The following TCP11 variants were observed in gnomAD, a reference collection of about 807,000 sequenced individuals.
TCP11 encodes the protein t-complex 11.
A neutral mutation model predicts 45.0 loss-of-function variants in TCP11; 34 were observed. That is an observed-to-expected ratio of 0.76 (90% CI 0.57 to 1.01). TCP11 has a LOEUF of 1.01. Among genes scored for constraint, TCP11 ranks in the 50% least tolerant of loss-of-function variants. TCP11 has a pLI of 0.00. For missense variants in TCP11, 523 were observed against 598.1 expected (o/e 0.87, Z 1.31); for synonymous variants, 227 against 227.0 (o/e 1.00, Z 0.00).
At chr6:35,118,533 A>C (rs771775632) in intron 9 of TCP11, 32 bp from the exon 10 acceptor site, 41 of 1,593,928 alleles carry the variant, frequency 2.6e-5, no homozygotes, top group Non-Finnish European at 6.9e-6. Context: ...GATAAGGGAA[A>C]AGGCAAACAG....
chr6:35,140,977 C>G, intron 1 of TCP11, 93 bp from the exon 2 acceptor site: 1 of 1,390,768 alleles, frequency 7.2e-7, no homozygotes, highest in South Asian at 1.7e-5. Context: ...AGGGGGGTAG[C>G]GGCCTCAGGG....
chr6:35,121,208 G>A (rs962831896), intron 5 of TCP11, among the ~76,000 whole-genome samples, 163 bp from the exon 6 acceptor site: 2 of 152,134 alleles, frequency 1.3e-5, no homozygotes, highest in African/African-American at 4.8e-5. Context: ...AATACCCAGG[G>A]TGAGTCAGTG....
chr6:35,124,735 G>C (rs1353574988), intron 4 of TCP11, among the ~76,000 whole-genome samples: 4 of 152,028 alleles, frequency 2.6e-5, no homozygotes, highest in Admixed American at 2.6e-4. Flanking sequence ...AGAACCAATG[G>C]GGAAAGGACA....
In TCP11 at chr6:35,120,109, C is replaced by T; in HGVS notation, c.1115+50G>A. ...CAATCGTTCATTACCTGCCTATGTT[C>T]TAAATACCACATATCACCTTCTACT... On this transcript the variant is annotated intron_variant, in intron 8 of 9. Transcript: ENST00000311875. This position sits in a 1 kb window ranked among gnomAD's most constrained non-coding sequence, Gnocchi z 4.9. 3.2e-6 allele frequency: 5 copies of T among 1,581,704 alleles called. No individual in the cohort carries two copies. Among genetic ancestry groups the T allele is most frequent in the Non-Finnish European group, 4.3e-6 (5 of 1,162,234 alleles).
intron 5 of TCP11, 128 bp from the exon 6 acceptor site, chr6:35,121,173 G>T: frequency 8.7e-7 from 1 of 1,148,592 alleles, no homozygotes; most frequent in Non-Finnish European, 1.2e-6. Context: ...TACATTTTCA[G>T]AAGATAACAT....
chr6:35,120,026 C>G lies in TCP11; in HGVS notation c.1115+133G>C. The G allele has an allele frequency of 8.3e-7, 1 of 1,200,306 alleles. No homozygotes were observed. Among genetic ancestry groups the G allele is most frequent in the Non-Finnish European group, 1.1e-6 (1 of 882,708 alleles). The allele number at this position is 1,200,306 out of a possible 1,614,324, so 74.4% of individuals were successfully genotyped here. A position where few individuals can be genotyped will look rare whatever the true frequency, so the allele number is the denominator to read the frequency against. Reference sequence around the variant, plus strand: ...CTCATGACCACTTATGGAAAGAAACCAACAATCTTTGTAGATGGTTCCACA... The same window carrying G: ...CTCATGACCACTTATGGAAAGAAACGAACAATCTTTGTAGATGGTTCCACA... On this transcript the variant is annotated intron_variant, in intron 8 of 9. Transcript: ENST00000311875. This position sits in a 1 kb window ranked among gnomAD's most constrained non-coding sequence, Gnocchi z 4.9.
Position 35,122,239 on chromosome 6 carries a change from C to T in TCP11, c.456G>A (p.Gly152=), listed in dbSNP as rs1779353717. 6.2e-7 allele frequency: 1 copy of T among 1,614,120 alleles called. No individual in the cohort carries two copies. The highest frequency in any genetic ancestry group is 8.5e-7 in the Non-Finnish European group (1 of 1,180,032). ...TAGAGAGATAGAGGACTTTCAGGGCCCCATGTTCTGCCTCCTGCTTGAGCA... is the reference window on the plus strand; with the variant it reads ...TAGAGAGATAGAGGACTTTCAGGGCTCCATGTTCTGCCTCCTGCTTGAGCA... ...MDLLKQEAEH[G]ALKVLYLSKY... The change falls in exon 5 of 10, where the codon GGG becomes GGA. Residue 152 remains glycine, a synonymous_variant. Transcript: ENST00000311875.
chr6:35,140,927 G>T, intron 1 of TCP11, 43 bp from the exon 2 acceptor site: 2 of 1,497,266 alleles, frequency 1.3e-6, no homozygotes, highest in Non-Finnish European at 1.8e-6. Context: ...CGGGGAAGGG[G>T]CCTCCCCAAT....
intron 1 of TCP11, 79 bp from the exon 2 acceptor site, chr6:35,140,963 G>A (rs1423845340): frequency 1.8e-5 from 26 of 1,440,228 alleles, no homozygotes; most frequent in Middle Eastern, 1.8e-4. Flanking sequence ...TGGGGGCGGC[G>A]GGAAGGGGGG....
chr6:35,138,796 C>T (rs1307916048), intron 2 of TCP11, among the ~76,000 whole-genome samples: 1 of 151,962 alleles, frequency 6.6e-6, no homozygotes, highest in African/African-American at 2.4e-5. Context: ...CCGCATTTAC[C>T]CTGATGTGAT....
intron 4 of TCP11, among the ~76,000 whole-genome samples, chr6:35,124,706 AT>A (rs1779628626): frequency 6.6e-6 from 1 of 152,128 alleles, no homozygotes; most frequent in African/African-American, 2.4e-5. Context: ...AGGTCAAATG[AT>A]TTTCAACAAC....
Position 35,120,238 on chromosome 6 carries a change from T to C in TCP11, c.1036A>G (p.Ser346Gly). The C allele has an allele frequency of 6.2e-7, 1 of 1,614,228 alleles. No individual in the cohort carries two copies. The highest frequency in any genetic ancestry group is 2.2e-5 in the East Asian group (1 of 44,886). Residue 346 changes from serine to glycine, a missense_variant, in exon 8 of 10, where the codon AGT becomes GGT. Physicochemically the swap from Ser to Gly is moderately conservative, Grantham distance 56. Around this residue, in one of 2 missense-constraint regions of TCP11, gnomAD observed 298 missense variants for 387.9 expected, o/e 0.77. Transcript: ENST00000311875. This position sits in a 1 kb window ranked among gnomAD's most constrained non-coding sequence, Gnocchi z 4.9. ...AATTGGGGTGAGCCAAACAAAACAC[T>C]GCCGGAGAAACTACTGGCCACCAGC... is the stretch of plus-strand genomic sequence containing the variant. ...VLLVASSFSG[S>G]VLFGSPQFVD...
intron 4 of TCP11, among the ~76,000 whole-genome samples, chr6:35,122,545 T>C (rs1158192311): frequency 6.6e-6 from 1 of 152,170 alleles, no homozygotes; most frequent in Non-Finnish European, 1.5e-5. Flanking sequence ...AGGAATAGTA[T>C]ATCATTTTCT....
At chr6:35,137,696 T>C in intron 2 of TCP11, 1 of 436,498 alleles carries the variant, frequency 2.3e-6, no homozygotes, top group South Asian at 1.7e-5. Flanking sequence ...GTTACAATGA[T>C]TACGTGGTGT....
Position 35,132,695 on chromosome 6 carries a change from A to G in TCP11, c.236+3412T>C, listed in dbSNP as rs368466518. ...CCTTTTTCCCGACATAATTTTTTAT[A>G]TCACCATACCTGGAAACCCAGTTCT... is the stretch of plus-strand genomic sequence containing the variant. On this transcript the variant is annotated intron_variant, in intron 3 of 9. Transcript: ENST00000311875. Among the ~76,000 whole-genome samples, 35 of 152,344 alleles carry G rather than the reference A, an allele frequency of 2.3e-4. No homozygotes were observed. In the South Asian group the frequency reaches 6.8e-3, roughly 30 times the overall value.
intron 5 of TCP11, 146 bp from the exon 6 acceptor site, chr6:35,121,191 A>C: frequency 1.0e-6 from 1 of 954,806 alleles, no homozygotes; most frequent in South Asian, 2.6e-5. Context: ...CATGTGGCCC[A>C]GAACCCAATA....
chr6:35,123,841 G>A (rs1779551201), intron 4 of TCP11, among the ~76,000 whole-genome samples: 1 of 150,802 alleles, frequency 6.6e-6, no homozygotes, highest in African/African-American at 2.4e-5. Context: ...AGGCTGGAGT[G>A]TAGTAGCATG....
intron 2 of TCP11, chr6:35,140,250 T>G (rs1781570456): frequency 6.8e-7 from 1 of 1,479,904 alleles, no homozygotes; most frequent in African/African-American, 1.4e-5. Context: ...AAATACAGCA[T>G]GAGTCCCAGT....
intron 5 of TCP11, among the ~76,000 whole-genome samples, 172 bp from the exon 6 acceptor site, chr6:35,121,217 T>C (rs1779199618): frequency 6.6e-6 from 1 of 152,154 alleles, no homozygotes. Flanking sequence ...GGTGAGTCAG[T>C]GGCAGAATTG....
Sources: gnomAD v4.1 joint callset for allele counts (sites outside exome capture counted in the v4.1 genomes callset) on GRCh38, gnomAD v4.1.1 for gene constraint, gnomAD v4.1.1 regional missense constraint, Gnocchi (gnomAD v3.1) non-coding constraint, MANE v1.5 for transcripts, NCBI Gene and HGNC (gene_info 2026-07-23, HGNC 2026-07-21) for gene names.